Variants in MAGI1 observed in about 807,000 individuals in gnomAD.
MAGI1 encodes membrane associated guanylate kinase, WW and PDZ domain containing 1, also known as membrane-associated guanylate kinase, WW and PDZ domain-containing protein 1.
A neutral mutation model predicts 139.9 loss-of-function variants in MAGI1; 58 were observed. The ratio of observed to expected loss-of-function variants is 0.41; its 90% confidence interval spans 0.34 to 0.52. The LOEUF (loss-of-function observed/expected upper bound fraction) is 0.52. Among genes scored for constraint, MAGI1 ranks in the 20% least tolerant of loss-of-function variants. The pLI is 0.12. For synonymous variants in MAGI1, 812 were observed against 737.9 expected (o/e 1.10, Z -1.63); for missense variants, 1,874 against 1,901.6 (o/e 0.99, Z 0.27).
At chr3:65,783,009 A>ACAAC (rs56837893) in intron 1 of MAGI1, among the ~76,000 whole-genome samples, 1 of 151,952 alleles carries the variant, frequency 6.6e-6, no homozygotes, top group African/African-American at 2.4e-5. Flanking sequence ...AACAACAACA[A>ACAAC]AAAAAAGAAG....
intron 13 of MAGI1, among the ~76,000 whole-genome samples, chr3:65,394,909 A>G (rs1944262146): frequency 1.3e-5 from 2 of 152,206 alleles, no homozygotes; most frequent in African/African-American, 2.4e-5. Flanking sequence ...CATTTAATGC[A>G]ATTGTATTTC....
chr3:65,418,316 A>C (rs571021432), intron 12 of MAGI1, among the ~76,000 whole-genome samples: 1 of 152,318 alleles, frequency 6.6e-6, no homozygotes, highest in South Asian at 2.1e-4. Flanking sequence ...TTATTTCAGA[A>C]CTGTGCACAA....
chr3:65,530,624 G>GTGGTGTGTGTGTGTGTGTGT (rs1204700107), intron 2 of MAGI1, among the ~76,000 whole-genome samples: 1 of 129,272 alleles, frequency 7.7e-6, no homozygotes, highest in Admixed American at 8.2e-5. Context: ...ATGTGTGTGT[G>GTGGTGTGTGTGTGTGTGTGT]GTGTGTGTGT....
chr3:65,832,654 A>G (rs1287506630), intron 1 of MAGI1, among the ~76,000 whole-genome samples: 6 of 151,998 alleles, frequency 3.9e-5, no homozygotes, highest in Admixed American at 2.6e-4. Flanking sequence ...TTTTCTGACC[A>G]TCTCTCTCAG....
intron 4 of MAGI1, among the ~76,000 whole-genome samples, chr3:65,475,978 T>C (rs949449632): frequency 1.3e-5 from 2 of 151,812 alleles, no homozygotes; most frequent in Non-Finnish European, 2.9e-5. Flanking sequence ...TCATAATATT[T>C]CTACATTTTG....
In MAGI1 at chr3:65,367,693, G is replaced by T. The variant is rs139077532; in HGVS notation, c.3197-2747C>A. 1.6e-3 allele frequency among the ~76,000 whole-genome samples: 251 copies of T among 152,192 alleles called. 1 individual carries two copies. The highest frequency in any genetic ancestry group is 5.9e-3 in the African/African-American group (244 of 41,534). ...TAGAAAATGTAGGTAATATGTCTAA[G>T]GTCACTCAGGCAGCAGGTGGAGATA... is the stretch of plus-strand genomic sequence containing the variant. On this transcript the variant is annotated intron_variant, in intron 18 of 22. Coordinates refer to ENST00000402939, the MANE Select transcript of MAGI1 (RefSeq NM_001033057.2).
At chr3:65,787,682 G>T (rs1309439231) in intron 1 of MAGI1, among the ~76,000 whole-genome samples, 1 of 151,774 alleles carries the variant, frequency 6.6e-6, no homozygotes, top group Non-Finnish European at 1.5e-5. Context: ...AGACTGTCAG[G>T]GACAAGTTCA....
At chr3:65,986,085 G>A (rs1006005832) in intron 1 of MAGI1, among the ~76,000 whole-genome samples, 1 of 152,192 alleles carries the variant, frequency 6.6e-6, no homozygotes, top group Non-Finnish European at 1.5e-5. Flanking sequence ...CCAGATGTTT[G>A]TGGTCATTTC....
intron 2 of MAGI1, among the ~76,000 whole-genome samples, chr3:65,577,200 T>C (rs560191907): frequency 7.5e-4 from 114 of 151,992 alleles, no homozygotes; most frequent in African/African-American, 2.7e-3. Context: ...TGGACTAGAG[T>C]GAAACAAATG....
At chr3:65,959,667 G>A (rs913301345) in intron 1 of MAGI1, among the ~76,000 whole-genome samples, 3 of 146,892 alleles carry the variant, frequency 2.0e-5, no homozygotes, top group African/African-American at 7.5e-5. Flanking sequence ...GTCTCCCTAT[G>A]TTTCCCAGGC....
intron 1 of MAGI1, among the ~76,000 whole-genome samples, chr3:65,878,711 G>C (rs1432852842): frequency 6.6e-6 from 1 of 152,138 alleles, no homozygotes; most frequent in Non-Finnish European, 1.5e-5. Flanking sequence ...TATTTCGTTT[G>C]TGGCAGTTTA....
chr3:65,756,410 A>G (rs1002603539), intron 1 of MAGI1, among the ~76,000 whole-genome samples: 2 of 152,206 alleles, frequency 1.3e-5, no homozygotes, highest in African/African-American at 4.8e-5. Flanking sequence ...GTACTAGTAA[A>G]TTTAGAACAC....
At chr3:65,801,600 C>G (rs12631008) in intron 1 of MAGI1, among the ~76,000 whole-genome samples, 2 of 151,986 alleles carry the variant, frequency 1.3e-5, no homozygotes, top group Non-Finnish European at 2.9e-5. Context: ...CAGCCTCCTT[C>G]ACTTTCTAAC....
At chr3:66,008,934 G>A (rs929883036) in intron 1 of MAGI1, 3 of 152,256 alleles carry the variant, frequency 2.0e-5, no homozygotes, top group African/African-American at 4.8e-5. Flanking sequence ...AGAAGGTATA[G>A]GCAGATCCCA....
At chr3:65,526,414 G>A (rs1200139270) in intron 2 of MAGI1, among the ~76,000 whole-genome samples, 2 of 152,182 alleles carry the variant, frequency 1.3e-5, no homozygotes, top group African/African-American at 4.8e-5. Context: ...AAAAGCTCCA[G>A]CTCTTACTTG....
intron 1 of MAGI1, among the ~76,000 whole-genome samples, chr3:65,810,218 T>G (rs1282953330): frequency 6.6e-6 from 1 of 152,252 alleles, no homozygotes; most frequent in Non-Finnish European, 1.5e-5. Flanking sequence ...TTAGATACTT[T>G]GGCACATTGG....
intron 1 of MAGI1, among the ~76,000 whole-genome samples, chr3:65,633,901 G>T (rs969548892): frequency 6.6e-6 from 1 of 152,118 alleles, no homozygotes; most frequent in Admixed American, 6.5e-5. Context: ...ATGCTGAGTG[G>T]AATCTAAAGA....
intron 1 of MAGI1, among the ~76,000 whole-genome samples, chr3:65,626,881 C>T (rs938200948): frequency 5.3e-5 from 8 of 152,148 alleles, no homozygotes; most frequent in Non-Finnish European, 7.4e-5. Context: ...GCCAATTATT[C>T]AAGAGACATG....
chr3:65,964,919 A>G (rs1042654812), intron 1 of MAGI1, among the ~76,000 whole-genome samples: 1 of 152,356 alleles, frequency 6.6e-6, no homozygotes, highest in East Asian at 1.9e-4. Context: ...GAATTTCAAT[A>G]AGAAACTCTC....
Sources: gnomAD v4.1 joint callset for allele counts (sites outside exome capture counted in the v4.1 genomes callset) on GRCh38, gnomAD v4.1.1 for gene constraint, MANE v1.5 for transcripts, NCBI Gene and HGNC (gene_info 2026-07-23, HGNC 2026-07-21) for gene names.